Variants in KIAA0825 observed in about 807,000 individuals in gnomAD.
KIAA0825 encodes the protein uncharacterized protein KIAA0825.
KIAA0825 carries 119 observed loss-of-function variants against 147.6 expected under a neutral mutation model. The ratio of observed to expected loss-of-function variants is 0.81; its 90% confidence interval spans 0.69 to 0.94. The LOEUF is 0.94. Ranked by LOEUF, KIAA0825 falls within the 40% of genes least tolerant of loss-of-function variation. The probability of loss-of-function intolerance (pLI) is 0.00; values close to 1 mark genes in which losing one functional copy is unlikely to be tolerated. For missense variants in KIAA0825, 1,381 were observed against 1,472.7 expected (o/e 0.94, Z 1.02); for synonymous variants, 470 against 518.1 (o/e 0.91, Z 1.26).
At chr5:94,552,314 A>G (rs1313153191) in intron 2 of KIAA0825, among the ~76,000 whole-genome samples, 1 of 152,204 alleles carries the variant, frequency 6.6e-6, no homozygotes, top group Non-Finnish European at 1.5e-5. Context: ...CAATGCAATA[A>G]TAGTTGGGGG....
At chr5:94,611,016 G>GA (rs1188026756) in intron 1 of KIAA0825, among the ~76,000 whole-genome samples, 2 of 151,904 alleles carry the variant, frequency 1.3e-5, no homozygotes, top group African/African-American at 4.8e-5. Context: ...CTAGTTGCTA[G>GA]AAACAACTGC....
intron 20 of KIAA0825, among the ~76,000 whole-genome samples, chr5:94,169,795 T>G (rs143646565): frequency 6.6e-6 from 1 of 152,268 alleles, no homozygotes; most frequent in Admixed American, 6.5e-5. Flanking sequence ...AGCTAATACT[T>G]ATTTAGCAAC....
intron 20 of KIAA0825, among the ~76,000 whole-genome samples, chr5:94,373,386 A>T (rs1747007157): frequency 6.6e-6 from 1 of 152,336 alleles, no homozygotes; most frequent in Admixed American, 6.5e-5. Flanking sequence ...TAAAGGAAAG[A>T]AGTTTTTTAT....
intron 14 of KIAA0825, among the ~76,000 whole-genome samples, chr5:94,425,138 C>G (rs948456871): frequency 6.6e-6 from 1 of 152,196 alleles, no homozygotes; most frequent in East Asian, 1.9e-4. Context: ...TTCTATGAGG[C>G]CAGCATTACC....
At chr5:94,492,501 C>T (rs1249666324) in intron 5 of KIAA0825, among the ~76,000 whole-genome samples, 6 of 152,198 alleles carry the variant, frequency 3.9e-5, no homozygotes, top group Non-Finnish European at 7.3e-5. Flanking sequence ...TGTCACATTA[C>T]AATGGTTAGT....
At chr5:94,459,915 A>T (rs2150944150) in intron 12 of KIAA0825, among the ~76,000 whole-genome samples, 1 of 152,294 alleles carries the variant, frequency 6.6e-6, no homozygotes, top group Middle Eastern at 3.4e-3. Context: ...AATTTAAAAT[A>T]AAAAATATCA....
At chr5:94,352,403 A>C (rs527825723) in intron 20 of KIAA0825, among the ~76,000 whole-genome samples, 4 of 152,210 alleles carry the variant, frequency 2.6e-5, no homozygotes, top group African/African-American at 9.7e-5. Flanking sequence ...GACTATAATA[A>C]AAAAATCAAA....
intron 20 of KIAA0825, among the ~76,000 whole-genome samples, chr5:94,330,974 G>A (rs1406765513): frequency 3.3e-5 from 5 of 151,590 alleles, no homozygotes; most frequent in African/African-American, 1.2e-4. Flanking sequence ...ATCTCTACTA[G>A]AAATACAAAA....
chr5:94,396,658 G>T, intron 16 of KIAA0825, 149 bp from the exon 17 acceptor site: 1 of 537,230 alleles, frequency 1.9e-6, no homozygotes, highest in Non-Finnish European at 3.1e-6. Context: ...CTCTAACCGG[G>T]GTCTCTCGCA....
At chr5:94,548,766 G>A (rs547796452) in intron 2 of KIAA0825, among the ~76,000 whole-genome samples, 1 of 152,020 alleles carries the variant, frequency 6.6e-6, no homozygotes, top group East Asian at 1.9e-4. Flanking sequence ...CAAACAAAAG[G>A]CAGCAGTAGA....
At chr5:94,507,942 A>T (rs550055727) in intron 5 of KIAA0825, among the ~76,000 whole-genome samples, 1 of 152,322 alleles carries the variant, frequency 6.6e-6, no homozygotes, top group South Asian at 2.1e-4. Flanking sequence ...AGTGATATTC[A>T]CTTTTAAGTG....
intron 1 of KIAA0825, among the ~76,000 whole-genome samples, chr5:94,609,937 T>C (rs920402295): frequency 1.3e-5 from 2 of 152,160 alleles, no homozygotes; most frequent in Non-Finnish European, 2.9e-5. Flanking sequence ...CTGGATCACC[T>C]TGGAAGAACT....
chr5:94,459,678 A>C (rs1000664460), intron 12 of KIAA0825, among the ~76,000 whole-genome samples: 3 of 152,060 alleles, frequency 2.0e-5, no homozygotes, highest in African/African-American at 4.8e-5. Flanking sequence ...TATATTTCTG[A>C]TGACCCTATC....
At chr5:94,542,788 C>T (rs916383462) in intron 2 of KIAA0825, among the ~76,000 whole-genome samples, 6 of 151,584 alleles carry the variant, frequency 4.0e-5, no homozygotes, top group Admixed American at 6.6e-5. Context: ...GCCTGGGTGA[C>T]GGAGCGAGAT....
intron 20 of KIAA0825, among the ~76,000 whole-genome samples, chr5:94,216,624 A>G (rs1033233055): frequency 5.3e-5 from 8 of 152,184 alleles, no homozygotes; most frequent in Non-Finnish European, 1.2e-4. Flanking sequence ...CATCAACACC[A>G]CTAGGACTAT....
At chr5:94,378,223 C>T (rs1250668906) in intron 20 of KIAA0825, among the ~76,000 whole-genome samples, 1 of 152,110 alleles carries the variant, frequency 6.6e-6, no homozygotes, top group Non-Finnish European at 1.5e-5. Flanking sequence ...AAGCATAGCA[C>T]CTGACAGGTA....
intron 20 of KIAA0825, among the ~76,000 whole-genome samples, chr5:94,257,515 A>G (rs1279218788): frequency 6.6e-6 from 1 of 152,118 alleles, no homozygotes; most frequent in Non-Finnish European, 1.5e-5. Flanking sequence ...AATCATTGAA[A>G]TGTGCTTTAT....
rs111620345 is a variant in KIAA0825, at chr5:94,196,735, C to T, written c.3711-42611G>A. 2.8e-3 allele frequency among the ~76,000 whole-genome samples: 428 copies of T among 152,136 alleles called. 5 individuals are homozygous for T. The highest frequency in any genetic ancestry group is 0.01 in the Middle Eastern group (3 of 294). ...ACTTGCAGTATTTGGTTTTTTGTTC[C>T]TGCATTAATTTACTTAGGATAATGG... On this transcript the variant is annotated intron_variant, in intron 20 of 20. Coordinates refer to ENST00000682413, the MANE Select transcript of KIAA0825 (RefSeq NM_001145678.3).
intron 10 of KIAA0825, among the ~76,000 whole-genome samples, chr5:94,467,813 G>A (rs1191678270): frequency 9.9e-5 from 15 of 152,158 alleles, no homozygotes; most frequent in Admixed American, 9.8e-4. Flanking sequence ...AAGCAGGCCT[G>A]CCAAAAACAT....
Sources: allele counts gnomAD v4.1 joint callset (sites outside exome capture counted in the v4.1 genomes callset), GRCh38; gene constraint gnomAD v4.1.1; transcripts MANE v1.5; gene names NCBI Gene and HGNC (gene_info 2026-07-23, HGNC 2026-07-21).